Variants in EML6 observed in about 807,000 individuals in gnomAD.
The protein encoded by EML6 is echinoderm microtubule-associated protein-like 6.
In EML6, 154 loss-of-function variants were observed where a neutral mutation model predicts 240.1. That is an observed-to-expected ratio of 0.64 (90% CI 0.56 to 0.73). The LOEUF is 0.73. Ranked by LOEUF, EML6 falls within the 30% of genes least tolerant of loss-of-function variation. The probability of loss-of-function intolerance (pLI) is 0.00; values close to 1 mark genes in which losing one functional copy is unlikely to be tolerated. For synonymous variants in EML6, 1,148 were observed against 899.0 expected (o/e 1.28, Z -4.95); for missense variants, 2,964 against 2,474.6 (o/e 1.20, Z -4.20).
At chr2:54,854,946 C>T (rs1670292200) in intron 11 of EML6, among the ~76,000 whole-genome samples, 1 of 152,174 alleles carries the variant, frequency 6.6e-6, no homozygotes, top group Non-Finnish European at 1.5e-5. Context: ...GAAGAAACAA[C>T]ATTGGGGTCA....
chr2:54,794,340 C>A (rs1281908135), intron 2 of EML6, among the ~76,000 whole-genome samples: 2 of 152,194 alleles, frequency 1.3e-5, no homozygotes, highest in Middle Eastern at 3.4e-3. Flanking sequence ...ATTTCTATCG[C>A]CCTTTTCTCT....
At chr2:54,797,174 A>AAAAAAAAAAAAAAACAAAAAAC (rs1669846271) in intron 2 of EML6, among the ~76,000 whole-genome samples, 2 of 140,970 alleles carry the variant, frequency 1.4e-5, no homozygotes, top group Non-Finnish European at 1.6e-5. Flanking sequence ...CAAAAAAAAA[A>AAAAAAAAAAAAAAACAAAAAAC]AAAAAAAAAA....
Position 54,911,052 on chromosome 2 carries a change from A to G in EML6, c.3498+10A>G, listed in dbSNP as rs766301643. ...AATAAGACCTTCAGAGGTAATAATC[A>G]TACACAAAGATTTTTAAAGATATTT... On this transcript the variant is annotated intron_variant, in intron 25 of 41. Coordinates refer to ENST00000356458, the MANE Select transcript of EML6 (RefSeq NM_001039753.4). The G allele has an allele frequency of 1.5e-5, 20 of 1,360,954 alleles. No homozygotes were observed. Among genetic ancestry groups the G allele is most frequent in the East Asian group, 1.0e-4 (4 of 39,596 alleles). The allele number at this position is 1,360,954 out of a possible 1,614,324, so 84.3% of individuals were successfully genotyped here. A position where few individuals can be genotyped will look rare whatever the true frequency, so the allele number is the denominator to read the frequency against.
At chr2:54,892,293 T>G (rs961138100) in intron 18 of EML6, among the ~76,000 whole-genome samples, 161 bp from the exon 19 acceptor site, 2 of 152,212 alleles carry the variant, frequency 1.3e-5, no homozygotes, top group Non-Finnish European at 2.9e-5. Context: ...ATGAGAAATA[T>G]TCTTAGAATA....
intron 38 of EML6, among the ~76,000 whole-genome samples, chr2:54,965,565 G>T (rs1390954165): frequency 1.3e-5 from 2 of 152,154 alleles, no homozygotes; most frequent in Non-Finnish European, 2.9e-5. Context: ...AAGCAGAGTT[G>T]TTAAGGATAA....
intron 2 of EML6, among the ~76,000 whole-genome samples, chr2:54,733,778 G>T (rs72913540): frequency 0.011 from 1,632 of 152,234 alleles, 37 homozygotes; most frequent in African/African-American, 0.036. Context: ...TCTATCATGG[G>T]TCAGAATGTC....
intron 28 of EML6, among the ~76,000 whole-genome samples, chr2:54,931,698 A>G (rs1269150731): frequency 6.6e-6 from 1 of 152,156 alleles, no homozygotes; most frequent in Non-Finnish European, 1.5e-5. Context: ...CAAGACATGC[A>G]CCAATGAGAC....
intron 9 of EML6, among the ~76,000 whole-genome samples, chr2:54,848,598 C>T (rs993121038): frequency 4.6e-5 from 7 of 151,222 alleles, no homozygotes; most frequent in African/African-American, 1.7e-4. Flanking sequence ...CACCATAATG[C>T]TATTAATAAA....
chr2:54,938,779 TTTTG>T (rs1220776435), intron 28 of EML6, among the ~76,000 whole-genome samples: 4 of 152,196 alleles, frequency 2.6e-5, no homozygotes, highest in African/African-American at 9.7e-5. Context: ...TCTGAGAAGA[TTTTG>T]TTTGTCTTTG....
At position 54,903,469 on chromosome 2, in the gene EML6, A is replaced by G; in HGVS notation, c.3376A>G (p.Ser1126Gly). The G allele has an allele frequency of 1.9e-6, 3 of 1,552,032 alleles. No individual in the cohort carries two copies. Among genetic ancestry groups the G allele is most frequent in the Non-Finnish European group, 2.6e-6 (3 of 1,146,982 alleles). The stretch of plus-strand genomic sequence containing the variant: ...GGTTGGCATCTGTAAAGGTGCTTCT[A>G]GTTATATTACACACATTGACTGGGA... The part of the protein sequence containing the change: ...KRVGICKGAS[S>G]YITHIDWDSR... The change falls in exon 24 of 42, where the codon AGT becomes GGT. Residue 1126 changes from serine (S) to glycine (G), a missense_variant. Transcript: ENST00000356458.
At chr2:54,892,412 G>A in intron 18 of EML6, 42 bp from the exon 19 acceptor site, 1 of 1,389,750 alleles carries the variant, frequency 7.2e-7, no homozygotes, top group Non-Finnish European at 1.0e-6. Flanking sequence ...TATAGGAAGT[G>A]CCAGATTTTA....
chr2:54,954,288 C>T, intron 32 of EML6, 132 bp downstream of exon 32: 3 of 782,716 alleles, frequency 3.8e-6, no homozygotes, highest in Non-Finnish European at 6.0e-6. Flanking sequence ...AAGTGGAAAA[C>T]AGGGCACTGG....
At chr2:54,929,920 C>T (rs1359257199) in intron 28 of EML6, among the ~76,000 whole-genome samples, 2 of 152,068 alleles carry the variant, frequency 1.3e-5, no homozygotes, top group Non-Finnish European at 1.5e-5. Flanking sequence ...GTTCATTTTG[C>T]TTGCAACATG....
In EML6 at chr2:54,850,287, A is replaced by G. The variant is rs981930361; in HGVS notation, c.1444+69A>G. The G allele has an allele frequency of 5.8e-6, 8 of 1,381,314 alleles. No homozygotes were observed. In the African/African-American group the frequency reaches 1.0e-4, roughly 18 times the overall value. 85.6% of individuals were successfully genotyped at this position (1,381,314 alleles called of 1,614,324 possible). ...TTGAACCAGGTGAAGGAAATACAGGACAAGTGTCATGGCTCTTTTAGAATT... is the reference window on the plus strand; with the variant it reads ...TTGAACCAGGTGAAGGAAATACAGGGCAAGTGTCATGGCTCTTTTAGAATT... On this transcript the variant is annotated intron_variant, in intron 10 of 41. Coordinates refer to ENST00000356458, the MANE Select transcript of EML6 (RefSeq NM_001039753.4).
chr2:54,739,139 C>A (rs1021091233), intron 2 of EML6, among the ~76,000 whole-genome samples: 1 of 152,108 alleles, frequency 6.6e-6, no homozygotes, highest in Non-Finnish European at 1.5e-5. Context: ...ATAGGAAATT[C>A]TTTTGAAATA....
chr2:54,916,817 T>C lies in EML6; in HGVS notation c.3557T>C (p.Ile1186Thr). ...GTCCTGGGGCCCACCTGTGAGGGAA[T>C]CTGGCCAGCACATAGCGATATAACT... ...TCVLGPTCEG[I>T]WPAHSDITDV... is the part of the protein sequence containing the mutation. The change falls in exon 26 of 42, where the codon ATC becomes ACC. Residue 1186 changes from isoleucine (I) to threonine (T), a missense_variant. Transcript: ENST00000356458. The C allele has an allele frequency of 6.5e-7, 1 of 1,546,106 alleles. No homozygotes were observed. Among genetic ancestry groups the C allele is most frequent in the Non-Finnish European group, 8.8e-7 (1 of 1,142,700 alleles).
At chr2:54,904,332 G>A (rs1216553436) in intron 24 of EML6, among the ~76,000 whole-genome samples, 2 of 152,144 alleles carry the variant, frequency 1.3e-5, no homozygotes, top group Non-Finnish European at 2.9e-5. Context: ...TCAAGACTCG[G>A]CTGATGTTGA....
intron 8 of EML6, among the ~76,000 whole-genome samples, chr2:54,846,483 AAT>A (rs1491350367): frequency 3.6e-5 from 3 of 83,650 alleles, no homozygotes; most frequent in African/African-American, 1.3e-4. Context: ...ATTGATACAT[AAT>A]TTTTTTTTTT....
intron 24 of EML6, among the ~76,000 whole-genome samples, chr2:54,905,360 A>G (rs906600663): frequency 8.6e-5 from 13 of 150,944 alleles, no homozygotes; most frequent in African/African-American, 3.2e-4. Context: ...ACACACACAC[A>G]CACACACACA....
Sources: allele counts gnomAD v4.1 joint callset (sites outside exome capture counted in the v4.1 genomes callset), GRCh38; gene constraint gnomAD v4.1.1; transcripts MANE v1.5; gene names NCBI Gene and HGNC (gene_info 2026-07-23, HGNC 2026-07-21).